AGAP1: variants seen among roughly 807,000 people sequenced by gnomAD.
The protein encoded by AGAP1 is arf-GAP with GTPase, ANK repeat and PH domain-containing protein 1.
A neutral mutation model predicts 105.3 loss-of-function variants in AGAP1; 29 were observed. The ratio of observed to expected loss-of-function variants is 0.28; its 90% CI spans 0.21 to 0.38. The LOEUF (loss-of-function observed/expected upper bound fraction) is 0.38. Among genes scored for constraint, AGAP1 ranks in the 10% least tolerant of loss-of-function variants. AGAP1 has a pLI of 1.00. For missense variants in AGAP1, 998 were observed against 1,165.1 expected (o/e 0.86, Z 2.09); for synonymous variants, 509 against 485.9 (o/e 1.05, Z -0.63).
chr2:235,604,572 CTTTTTTT>C (rs1166523228), intron 1 of AGAP1, among the ~76,000 whole-genome samples: 3 of 69,672 alleles, frequency 4.3e-5, no homozygotes, highest in Non-Finnish European at 7.4e-5. Context: ...TTTTTATTAT[CTTTTTTT>C]TTTTTTTTTT....
intron 15 of AGAP1, among the ~76,000 whole-genome samples, chr2:236,047,629 T>C (rs2057762640): frequency 8.1e-6 from 1 of 124,112 alleles, no homozygotes; most frequent in African/African-American, 3.4e-5. Context: ...TTGAGGAGTC[T>C]CGTTCTGTCA....
rs922825469 is a variant in AGAP1, at chr2:235,992,490, T to G, written c.1645+23867T>G. 6.6e-6 allele frequency among the ~76,000 whole-genome samples: 1 copy of G among 152,240 alleles called. No homozygotes were observed. Among genetic ancestry groups the G allele is most frequent in the African/African-American group, 2.4e-5 (1 of 41,462 alleles). On this transcript the variant is annotated intron_variant, in intron 13 of 17. Transcript: ENST00000304032. The surrounding 1 kb of genome is among the most constrained non-coding windows in gnomAD (Gnocchi z 4.8). ...CCATTCCTTTCTGAGGATTCAGTTC[T>G]TATAGACTACAGTATTACTCGTGGG...
At chr2:235,922,431 G>A (rs2052228666) in intron 11 of AGAP1, among the ~76,000 whole-genome samples, 1 of 152,074 alleles carries the variant, frequency 6.6e-6, no homozygotes, top group South Asian at 2.1e-4. Context: ...CCTCTTTTCA[G>A]GCTTACTTAA....
chr2:235,531,591 T>G (rs866352800), intron 1 of AGAP1, among the ~76,000 whole-genome samples: 2 of 151,654 alleles, frequency 1.3e-5, no homozygotes, highest in African/African-American at 4.8e-5. Flanking sequence ...ACACCTTTGG[T>G]TCTCTGGTAG....
Position 236,046,031 on chromosome 2 carries a change from G to T in AGAP1, c.1892-3028G>T, listed in dbSNP as rs1013290618. The T allele has an allele frequency of 1.3e-5, 6 of 471,350 alleles. No homozygotes were observed. The highest frequency in any genetic ancestry group is 2.2e-5 in the Non-Finnish European group (5 of 227,042). The allele number at this position is 471,350 out of a possible 1,614,324, so 29.2% of individuals were successfully genotyped here. The stretch of plus-strand genomic sequence containing the variant: ...GACAGCCTGGGAGCTGCTGGGGGGA[G>T]GTAGGAGGGGGTGCACCACGGTCTG... On this transcript the variant is annotated intron_variant, in intron 15 of 17. Transcript: ENST00000304032. The surrounding 1 kb of genome is among the most constrained non-coding windows in gnomAD (Gnocchi z 5.2).
rs1575794359 is a variant in AGAP1, at chr2:235,925,142, A to G, written c.1325-5623A>G. ...TAAGTGTACCCTCGGCTTCCGGGGT[A>G]GAAGCTTCCTTTAAGACCCTTGTAT... is the stretch of plus-strand genomic sequence containing the variant. On this transcript the variant is annotated intron_variant, in intron 11 of 17. Transcript: ENST00000304032. Among the ~76,000 whole-genome samples the G allele has an allele frequency of 2.0e-5, 3 of 152,290 alleles. No individual in the cohort carries two copies. The South Asian group carries it at 6.2e-4, about 32-fold the overall frequency.
At chr2:235,605,893 T>C (rs903871220) in intron 1 of AGAP1, among the ~76,000 whole-genome samples, 1 of 152,206 alleles carries the variant, frequency 6.6e-6, no homozygotes, top group African/African-American at 2.4e-5. Flanking sequence ...GGCTGCAGTG[T>C]GGTGGTGAAC....
At position 235,826,864 on chromosome 2, in the gene AGAP1, A is replaced by G. The variant is rs78404592; in HGVS notation, c.1050+19533A>G. On this transcript the variant is annotated intron_variant, in intron 9 of 17. Transcript: ENST00000304032. ...TTTCTCCACAGAATGTTTCTAAAACACACAAATTTGGCCAAACAGCCTCCA... is the reference window on the plus strand; with the variant it reads ...TTTCTCCACAGAATGTTTCTAAAACGCACAAATTTGGCCAAACAGCCTCCA... Among the ~76,000 whole-genome samples the G allele has an allele frequency of 7.4e-3, 1,129 of 152,328 alleles. 21 individuals are homozygous for G. The South Asian group carries it at 0.084, about 11-fold the overall frequency.
At chr2:235,932,523 C>T (rs2052771463) in intron 12 of AGAP1, among the ~76,000 whole-genome samples, 1 of 152,208 alleles carries the variant, frequency 6.6e-6, no homozygotes, top group Non-Finnish European at 1.5e-5. Context: ...CATAGGGCCA[C>T]GTTTGAGGGC....
rs116524234 is a variant in AGAP1, at chr2:235,701,142, A to C, written c.164-8037A>C. Among the ~76,000 whole-genome samples the C allele has an allele frequency of 0.021, 3,145 of 148,564 alleles. 56 individuals carry two copies. Among genetic ancestry groups the C allele is most frequent in the Non-Finnish European group, 0.032 (2,152 of 67,306 alleles). On this transcript the variant is annotated intron_variant, in intron 1 of 17. Coordinates refer to ENST00000304032, the MANE Select transcript of AGAP1 (RefSeq NM_001037131.3). This position sits in a 1 kb window ranked among gnomAD's most constrained non-coding sequence, Gnocchi z 4.1. The stretch of plus-strand genomic sequence containing the variant: ...ATATTATATATTATGTATATATGAT[A>C]TGCTCTATTTAGTGTATATTTTATA...
intron 11 of AGAP1, among the ~76,000 whole-genome samples, chr2:235,926,534 T>G (rs1056823692): frequency 2.0e-5 from 3 of 152,254 alleles, no homozygotes; most frequent in African/African-American, 7.2e-5. Context: ...AAACAATATT[T>G]CTGACCCTGT....
At chr2:235,897,972 T>C (rs1215690508) in intron 10 of AGAP1, among the ~76,000 whole-genome samples, 1 of 152,164 alleles carries the variant, frequency 6.6e-6, no homozygotes, top group East Asian at 1.9e-4. Context: ...CATTAAGTGC[T>C]TGTCAAAACT....
chr2:235,882,406 G>T lies in AGAP1; in HGVS notation c.1051-939G>T, dbSNP rs888763826. On this transcript the variant is annotated intron_variant, in intron 9 of 17. Coordinates refer to ENST00000304032, the MANE Select transcript of AGAP1 (RefSeq NM_001037131.3). This position sits in a 1 kb window ranked among gnomAD's most constrained non-coding sequence, Gnocchi z 4.6. Reference sequence around the variant, plus strand: ...TTCTGCCCAGTGGTCTCTTTGGTCGGCAGGGTGTTCTTCTCCTGCGTCTCC... The same window carrying T: ...TTCTGCCCAGTGGTCTCTTTGGTCGTCAGGGTGTTCTTCTCCTGCGTCTCC... The T allele has an allele frequency of 1.5e-5, 23 of 1,579,634 alleles. No homozygotes were observed. The highest frequency in any genetic ancestry group is 1.9e-5 in the Non-Finnish European group (22 of 1,153,856).
chr2:236,034,780 T>G (rs375133116), intron 13 of AGAP1, among the ~76,000 whole-genome samples: 15 of 152,212 alleles, frequency 9.9e-5, no homozygotes, highest in Non-Finnish European at 1.2e-4. Context: ...CACAGCACTT[T>G]CCTGCAGCCC....
Position 235,750,565 on chromosome 2 carries a change from A to G in AGAP1, c.673+77A>G, listed in dbSNP as rs1240685769. 9 of 1,595,790 alleles carry G rather than the reference A, an allele frequency of 5.6e-6. No homozygotes were observed. The highest frequency in any genetic ancestry group is 7.7e-6 in the Non-Finnish European group (9 of 1,165,852). ...ACTTCAAGAAGTCAGTCCTGCCTGCACTTGTGCATGTGGGTGGTGGAAATA... is the reference window on the plus strand; with the variant it reads ...ACTTCAAGAAGTCAGTCCTGCCTGCGCTTGTGCATGTGGGTGGTGGAAATA... On this transcript the variant is annotated intron_variant, in intron 6 of 17. Coordinates refer to ENST00000304032, the MANE Select transcript of AGAP1 (RefSeq NM_001037131.3). This position sits in a 1 kb window ranked among gnomAD's most constrained non-coding sequence, Gnocchi z 5.3.
intron 9 of AGAP1, among the ~76,000 whole-genome samples, chr2:235,818,220 T>A: frequency 6.6e-6 from 1 of 152,216 alleles, no homozygotes; most frequent in East Asian, 1.9e-4. Flanking sequence ...CAGGACCTCA[T>A]TTAATTCTCC....
Position 235,728,865 on chromosome 2 carries a change from G to A in AGAP1, c.310+11221G>A, listed in dbSNP as rs1951792136. Among the ~76,000 whole-genome samples, 1 of 152,174 alleles carries A rather than the reference G, an allele frequency of 6.6e-6. No individual in the cohort carries two copies. Among genetic ancestry groups the A allele is most frequent in the African/African-American group, 2.4e-5 (1 of 41,444 alleles). On this transcript the variant is annotated intron_variant, in intron 3 of 17. Transcript: ENST00000304032. This position sits in a 1 kb window ranked among gnomAD's most constrained non-coding sequence, Gnocchi z 4.3. The stretch of plus-strand genomic sequence containing the variant: ...AAGAAGAAGGGAGTAGGTTTAGGTT[G>A]GATGAAGAAGGGAGGTTTGGAGCCT...
Position 236,083,403 on chromosome 2 carries a change from T to C in AGAP1, c.2114+34122T>C, listed in dbSNP as rs1465180611. On this transcript the variant is annotated intron_variant, in intron 16 of 17. Transcript: ENST00000304032. The surrounding 1 kb of genome is among the most constrained non-coding windows in gnomAD (Gnocchi z 5.3). The stretch of plus-strand genomic sequence containing the variant: ...TTTCTCTAAAGGAAAGATTAAAGGA[T>C]TGTTTTCATTTTATTATAAGGAAGA... Among the ~76,000 whole-genome samples the C allele has an allele frequency of 6.6e-6, 1 of 152,202 alleles. No individual in the cohort carries two copies. The highest frequency in any genetic ancestry group is 1.9e-4 in the East Asian group (1 of 5,202).
intron 16 of AGAP1, among the ~76,000 whole-genome samples, chr2:236,081,925 C>T (rs926386496): frequency 3.3e-5 from 5 of 151,874 alleles, no homozygotes; most frequent in South Asian, 4.2e-4. Flanking sequence ...ATCCCTGGAA[C>T]GAGAAAGGGG....
Sources: allele counts gnomAD v4.1 joint callset (sites outside exome capture counted in the v4.1 genomes callset), GRCh38; gene constraint gnomAD v4.1.1; non-coding constraint Gnocchi (gnomAD v3.1); transcripts MANE v1.5; gene names NCBI Gene and HGNC (gene_info 2026-07-23, HGNC 2026-07-21).